SOX5: variants seen among roughly 807,000 people sequenced by gnomAD.
SOX5 encodes SRY-box transcription factor 5.
In SOX5, 9 loss-of-function variants were observed where a neutral mutation model predicts 92.0. The observed-to-expected ratio is 0.10, with a 90% confidence interval of 0.06 to 0.17. The LOEUF (loss-of-function observed/expected upper bound fraction) is 0.17. SOX5 is among the 10% of genes least tolerant of loss of function. The probability of loss-of-function intolerance (pLI) is 1.00; values close to 1 mark genes in which losing one functional copy is unlikely to be tolerated. For synonymous variants in SOX5, 344 were observed against 336.3 expected, an observed-to-expected ratio of 1.02 and a Z score of -0.25; for missense variants, 642 against 944.5, an observed-to-expected ratio of 0.68 and a Z score of 4.20.
intron 1 of SOX5, among the ~76,000 whole-genome samples, chr12:24,424,995 A>C (rs909088758): frequency 3.3e-4 from 50 of 152,240 alleles, no homozygotes; most frequent in African/African-American, 1.2e-3. Context: ...TACCAGATTA[A>C]CGGTGGAAAC....
chr12:24,273,528 G>A (rs1407890430), intron 3 of SOX5, among the ~76,000 whole-genome samples: 2 of 152,060 alleles, frequency 1.3e-5, no homozygotes, highest in Non-Finnish European at 2.9e-5. Flanking sequence ...ATCTGTTGTG[G>A]TGCTTCCTTT....
At chr12:23,824,776 A>G (rs544527237) in intron 3 of SOX5, among the ~76,000 whole-genome samples, 1 of 152,264 alleles carries the variant, frequency 6.6e-6, no homozygotes, top group East Asian at 1.9e-4. Context: ...TCTTTCAGAG[A>G]CGCCCTGCTC....
chr12:24,223,979 C>T (rs543253603), intron 3 of SOX5, among the ~76,000 whole-genome samples: 32 of 152,182 alleles, frequency 2.1e-4, no homozygotes, highest in Admixed American at 7.8e-4. Flanking sequence ...AATTTAGAAG[C>T]GTTATGCAAA....
Position 24,348,546 on chromosome 12 carries a change from C to T in SOX5, c.-174+20017G>A, listed in dbSNP as rs529770852. Among the ~76,000 whole-genome samples, 12 of 152,118 alleles carry T rather than the reference C, an allele frequency of 7.9e-5. 1 individual carries two copies. The highest frequency in any genetic ancestry group is 2.7e-4 in the African/African-American group (11 of 41,508). On this transcript the variant is annotated intron_variant, in intron 2 of 4. Coordinates refer to the SOX5 transcript ENST00000446891. ...TACAGGCACATGCTACCATGCCTGG[C>T]TAATTTTTGTACTTTTAGTAGAGGC...
At chr12:23,874,230 T>G (rs1372801061) in intron 2 of SOX5, among the ~76,000 whole-genome samples, 1 of 152,200 alleles carries the variant, frequency 6.6e-6, no homozygotes, top group Non-Finnish European at 1.5e-5. Context: ...TCTAAATTCT[T>G]AGGGAAACAT....
At chr12:24,018,964 G>A (rs1953987778) in intron 4 of SOX5, among the ~76,000 whole-genome samples, 1 of 151,908 alleles carries the variant, frequency 6.6e-6, no homozygotes, top group South Asian at 2.1e-4. Flanking sequence ...ATATAACATT[G>A]ATCAATTTAA....
chr12:23,863,822 A>T (rs2096782794), intron 2 of SOX5, among the ~76,000 whole-genome samples: 1 of 146,068 alleles, frequency 6.8e-6, no homozygotes, highest in African/African-American at 2.6e-5. Flanking sequence ...ACACACACAC[A>T]CACACACACA....
chr12:24,167,253 C>T (rs564942357), intron 4 of SOX5, among the ~76,000 whole-genome samples: 2 of 152,214 alleles, frequency 1.3e-5, no homozygotes, highest in African/African-American at 4.8e-5. Context: ...GGATGTGATA[C>T]ATAATATGTG....
intron 1 of SOX5, among the ~76,000 whole-genome samples, chr12:24,516,673 A>G (rs1017442720): frequency 3.3e-5 from 5 of 152,204 alleles, no homozygotes; most frequent in African/African-American, 1.2e-4. Context: ...CAGCAGGATT[A>G]TTCTCAATTA....
intron 3 of SOX5, among the ~76,000 whole-genome samples, chr12:24,232,940 C>T (rs777733108): frequency 6.6e-6 from 1 of 152,216 alleles, no homozygotes; most frequent in Non-Finnish European, 1.5e-5. Context: ...ATGGAAGCCA[C>T]CATGTGATAA....
chr12:23,978,643 T>G (rs1949181274), intron 4 of SOX5, among the ~76,000 whole-genome samples: 1 of 152,212 alleles, frequency 6.6e-6, no homozygotes, highest in African/African-American at 2.4e-5. Flanking sequence ...CAAACCAATC[T>G]AGAGCCAAGC....
intron 3 of SOX5, among the ~76,000 whole-genome samples, chr12:23,765,236 C>T (rs7975329): frequency 0.05 from 7,557 of 151,268 alleles, 518 homozygotes; most frequent in African/African-American, 0.15. Context: ...TTTTGTCATT[C>T]TCAGAGCAAT....
rs145019010 is a variant in SOX5, at chr12:24,511,891, G to A, written c.-251+50438C>T. ...GAGAATGGTGTGAACCCGGGATGTG[G>A]ATCTTGAAGTGAGCCCAGATCGTGC... On this transcript the variant is annotated intron_variant, in intron 1 of 4. Transcript: ENST00000446891. Among the ~76,000 whole-genome samples the A allele has an allele frequency of 6.5e-3, 969 of 149,806 alleles. 11 individuals carry two copies. Among genetic ancestry groups the A allele is most frequent in the African/African-American group, 0.023 (929 of 40,580 alleles).
chr12:24,479,798 G>A (rs1324216894), intron 1 of SOX5, among the ~76,000 whole-genome samples: 4 of 151,624 alleles, frequency 2.6e-5, no homozygotes, highest in South Asian at 2.1e-4. Flanking sequence ...CCCAAGTAGC[G>A]GGGACTGCAG....
chr12:23,780,344 A>G (rs1426514242), intron 3 of SOX5, among the ~76,000 whole-genome samples: 1 of 152,010 alleles, frequency 6.6e-6, no homozygotes, highest in East Asian at 1.9e-4. Flanking sequence ...TATATGCTCA[A>G]CACTTTGTTA....
At chr12:23,734,554 G>A in intron 6 of SOX5, 130 bp downstream of exon 6, 1 of 652,620 alleles carries the variant, frequency 1.5e-6, no homozygotes, top group Non-Finnish European at 2.6e-6. Context: ...CATGGCAGAG[G>A]AGGTGCTATG....
chr12:23,624,533 G>T (rs1223705562), intron 8 of SOX5, among the ~76,000 whole-genome samples: 1 of 152,150 alleles, frequency 6.6e-6, no homozygotes, highest in African/African-American at 2.4e-5. Context: ...TGGATTGAAA[G>T]ACACTAAACA....
At chr12:24,077,379 T>C (rs1215035192) in intron 4 of SOX5, among the ~76,000 whole-genome samples, 2 of 152,124 alleles carry the variant, frequency 1.3e-5, no homozygotes, top group African/African-American at 4.8e-5. Context: ...CGATACTCCA[T>C]GTTTTCCTTC....
At chr12:23,969,335 C>T (rs1029928534) in intron 4 of SOX5, among the ~76,000 whole-genome samples, 3 of 146,794 alleles carry the variant, frequency 2.0e-5, no homozygotes, top group African/African-American at 7.5e-5. Context: ...ATTTTTTTTC[C>T]CACACTGTAC....
Sources: allele counts gnomAD v4.1 joint callset (sites outside exome capture counted in the v4.1 genomes callset), GRCh38; gene constraint gnomAD v4.1.1; transcripts MANE v1.5; gene names NCBI Gene and HGNC (gene_info 2026-07-23, HGNC 2026-07-21).